The following RS1 variants were observed in gnomAD, a reference collection of about 807,000 sequenced individuals.
RS1 encodes retinoschisin.
Under a neutral mutation model 20.8 loss-of-function variants are expected in RS1, and 2 were observed. The ratio of observed to expected loss-of-function variants is 0.10; its 90% CI spans 0.04 to 0.30. The LOEUF (loss-of-function observed/expected upper bound fraction) is 0.30, where lower values mean the gene tolerates loss of function less well. Among genes scored for constraint, RS1 ranks in the 10% least tolerant of loss-of-function variants. The probability of loss-of-function intolerance (pLI) is 1.00; values close to 1 mark genes in which losing one functional copy is unlikely to be tolerated. For synonymous variants in RS1, 70 were observed against 75.8 expected (o/e 0.92, Z 0.40); for missense variants, 151 against 189.8 (o/e 0.80, Z 1.20).
intron 3 of RS1, among the ~76,000 whole-genome samples, chrX:18,655,785 T>C (rs1928201455): frequency 1.8e-5 from 2 of 110,047 alleles, no homozygotes; most frequent in Non-Finnish European, 3.8e-5. Context: ...GGGAAGCACA[T>C]GGCTGTTTGG....
At chrX:18,658,882 A>G (rs1351883271) in intron 1 of RS1, among the ~76,000 whole-genome samples, 1 of 111,745 alleles carries the variant, frequency 8.9e-6, no homozygotes, top group Non-Finnish European at 1.9e-5. Context: ...TGCCACAATT[A>G]GATGATTTAA....
intron 5 of RS1, among the ~76,000 whole-genome samples, chrX:18,642,907 A>C (rs1246166738): frequency 1.8e-5 from 2 of 110,473 alleles, no homozygotes; most frequent in Non-Finnish European, 3.8e-5. Context: ...AGCCAGGCGC[A>C]GTGGCAGGTG....
At chrX:18,646,976 G>A (rs1927799747) in intron 4 of RS1, among the ~76,000 whole-genome samples, 1 of 110,459 alleles carries the variant, frequency 9.1e-6, no homozygotes, top group African/African-American at 3.3e-5. Context: ...TAGTGCAGTG[G>A]TGTGATCTCG....
chrX:18,649,893 G>A (rs1236941599), intron 3 of RS1, among the ~76,000 whole-genome samples: 2 of 111,563 alleles, frequency 1.8e-5, no homozygotes, highest in Non-Finnish European at 3.8e-5. Flanking sequence ...TTTTTCATGG[G>A]CAAAATTCTA....
intron 1 of RS1, among the ~76,000 whole-genome samples, chrX:18,670,998 A>G (rs1928483135): frequency 8.9e-6 from 1 of 112,009 alleles, no homozygotes; most frequent in Admixed American, 9.5e-5. Context: ...TCTCTACAAG[A>G]AATACAATAA....
intron 4 of RS1, among the ~76,000 whole-genome samples, chrX:18,645,264 C>A (rs956432303): frequency 1.8e-5 from 2 of 111,566 alleles, no homozygotes; most frequent in Non-Finnish European, 3.8e-5. Context: ...AAGCCCTGGG[C>A]CACCTTCTCT....
intron 3 of RS1, among the ~76,000 whole-genome samples, chrX:18,655,950 G>A (rs1325610945): frequency 9.4e-6 from 1 of 105,859 alleles, no homozygotes; most frequent in Non-Finnish European, 1.9e-5. Context: ...ATTCCAGGCT[G>A]CCTAGCATTA....
intron 1 of RS1, among the ~76,000 whole-genome samples, chrX:18,660,389 A>C (rs1181575355): frequency 9.1e-6 from 1 of 109,507 alleles, no homozygotes; most frequent in Non-Finnish European, 1.9e-5. Context: ...TTGTATTTTT[A>C]GTAGAGACTG....
In RS1 at chrX:18,647,212, C is replaced by T. The variant is rs61752068; in HGVS notation, c.305G>A (p.Arg102Gln). The stretch of plus-strand genomic sequence containing the variant: ...TTACCCAAAGCCTTGACTGTTGAGC[C>T]GGGCCTTGTTTGCAGTCCACGAAGA... ...WYSSWTANKA[R>Q]LNSQGFGCAW... Residue 102 changes from arginine to glutamine, a missense_variant, in exon 4 of 6, where the codon CGG becomes CAG. Physicochemically the swap from Arg to Gln is conservative, Grantham distance 43. Transcript: ENST00000379984. The T allele has an allele frequency of 8.3e-6, 10 of 1,208,809 alleles. No homozygotes were observed. The highest frequency in any genetic ancestry group is 1.1e-5 in the Non-Finnish European group (10 of 895,051).
chrX:18,664,891 T>C lies in RS1; in HGVS notation c.52+7126A>G, dbSNP rs187244726. ...TGCCACGCTCAGCTAATTGTGTTAA[T>C]TTTTTTGTAGAGACGGGGTCTATGC... On this transcript the variant is annotated intron_variant, in intron 1 of 5. Transcript: ENST00000379984. Among the ~76,000 whole-genome samples, 552 of 110,809 alleles carry C rather than the reference T, an allele frequency of 5.0e-3. 5 individuals carry two copies. The highest frequency in any genetic ancestry group is 0.016 in the African/African-American group (499 of 30,484).
chrX:18,671,934 A>T (rs1447185552), intron 1 of RS1, 83 bp downstream of exon 1: 2 of 787,956 alleles, frequency 2.5e-6, no homozygotes, highest in Non-Finnish European at 3.9e-6. Context: ...TATATTATTC[A>T]GGCTATATTC....
At chrX:18,651,289 CAGAG>C (rs1928036370) in intron 3 of RS1, among the ~76,000 whole-genome samples, 2 of 76,608 alleles carry the variant, frequency 2.6e-5, no homozygotes, top group Admixed American at 2.8e-4. Context: ...GAGAGAGAGA[CAGAG>C]AGACACAGAG....
intron 5 of RS1, among the ~76,000 whole-genome samples, chrX:18,642,490 C>CCAT (rs10688706): frequency 0.063 from 7,106 of 112,003 alleles, 512 homozygotes; most frequent in African/African-American, 0.21. Flanking sequence ...GTGAACATTT[C>CCAT]CATCACAGAA....
intron 1 of RS1, among the ~76,000 whole-genome samples, chrX:18,659,365 C>T (rs12010627): frequency 0.36 from 39,652 of 109,444 alleles, 6,217 homozygotes; most frequent in East Asian, 0.61. Flanking sequence ...TCCCAGCCAC[C>T]TGGGAGGCTG....
intron 5 of RS1, among the ~76,000 whole-genome samples, chrX:18,643,072 C>T (rs1173221916): frequency 1.8e-5 from 2 of 111,069 alleles, no homozygotes; most frequent in Non-Finnish European, 3.8e-5. Context: ...CATAAAAACT[C>T]GAAGGAAGAT....
rs1927973840 is a variant in RS1 at position 18,650,321 on chromosome X, T to A, written c.185-2989A>T. On this transcript the variant is annotated intron_variant, in intron 3 of 5. Transcript: ENST00000379984. ...TCCCCAGGGAAGGTGACGCTCTCAC[T>A]GTCACCTTGGCTTCAGCTGGTGTCT... 4.6e-6 allele frequency: 4 copies of A among 867,606 alleles called. No individual in the cohort carries two copies. The Admixed American group carries it at 6.6e-5, about 14-fold the overall frequency. The allele number at this position is 867,606 out of a possible 1,213,427, so 71.5% of individuals were successfully genotyped here. A position where few individuals can be genotyped will look rare whatever the true frequency, so the allele number is the denominator to read the frequency against.
Position 18,642,041 on chromosome X carries a change from C to T in RS1, c.638G>A (p.Arg213Gln), listed in dbSNP as rs281865364. ...PLGWHVRIAIRMELLECVSKC... is the reference protein window; with the variant it reads ...PLGWHVRIAIQMELLECVSKC... ...GCTGACGCACTCCAGCAGCTCCATC[C>T]GGATGGCAATGCGGACGTGCCAGCC... Residue 213 changes from arginine (R) to glutamine (Q), a missense_variant, in exon 6 of 6, where the codon CGG becomes CAG. By Grantham distance (43) the Arg-to-Gln change is conservative (BLOSUM62 1). Coordinates refer to ENST00000379984, the MANE Select transcript of RS1 (RefSeq NM_000330.4). The T allele has an allele frequency of 1.7e-6, 2 of 1,209,725 alleles. No individual in the cohort carries two copies. Among genetic ancestry groups the T allele is most frequent in the East Asian group, 3.0e-5 (1 of 33,722 alleles).
intron 3 of RS1, among the ~76,000 whole-genome samples, chrX:18,652,458 C>T (rs1430103907): frequency 8.9e-6 from 1 of 112,041 alleles, no homozygotes; most frequent in Non-Finnish European, 1.9e-5. Flanking sequence ...CACTTGAGGT[C>T]AGGAGTTCGA....
In RS1 at chrX:18,671,913, TTAA is replaced by T. The variant is rs1277562782; in HGVS notation, c.52+101_52+103del. The stretch of plus-strand genomic sequence containing the variant: ...TGTTAGTTAATTAACGTGTTGCTAA[TTAA>T]TAATATTTATATTATTCAGGCTATA... On this transcript the variant is annotated intron_variant, in intron 1 of 5. Coordinates refer to ENST00000379984, the MANE Select transcript of RS1 (RefSeq NM_000330.4). 27 of 711,751 alleles carry T rather than the reference TTAA, an allele frequency of 3.8e-5. No individual in the cohort carries two copies. In the South Asian group the frequency reaches 5.4e-4, roughly 14 times the overall value. The allele number at this position is 711,751 out of a possible 1,213,427, so 58.7% of individuals were successfully genotyped here.
Sources: allele counts gnomAD v4.1 joint callset (sites outside exome capture counted in the v4.1 genomes callset), GRCh38; gene constraint gnomAD v4.1.1; transcripts MANE v1.5; gene names NCBI Gene and HGNC (gene_info 2026-07-23, HGNC 2026-07-21).